Variants in CSF2RB observed in about 807,000 individuals in gnomAD.
CSF2RB encodes cytokine receptor common subunit beta.
Under a neutral mutation model 67.2 loss-of-function variants are expected in CSF2RB, and 22 were observed. That is an observed-to-expected ratio of 0.33 (90% CI 0.23 to 0.47). The LOEUF (loss-of-function observed/expected upper bound fraction) is 0.47, where lower values mean the gene tolerates loss of function less well. Ranked by LOEUF, CSF2RB falls within the 20% of genes least tolerant of loss-of-function variation. CSF2RB has a pLI of 1.00. For synonymous variants in CSF2RB, 507 were observed against 482.9 expected (o/e 1.05, Z -0.65); for missense variants, 1,113 against 1,174.5 (o/e 0.95, Z 0.76).
At chr22:36,917,135 C>A (rs1940737951) in intron 1 of CSF2RB, among the ~76,000 whole-genome samples, 1 of 152,120 alleles carries the variant, frequency 6.6e-6, no homozygotes, top group African/African-American at 2.4e-5. Context: ...CCAGAAATGT[C>A]TTGTTTATTA....
In CSF2RB at chr22:36,937,407, G is replaced by A. The variant is rs1237721336; in HGVS notation, c.1599G>A (p.Glu533=). ...TCCCTGTAGGATTCGGGGACAGCGA[G>A]GTGTCACCTCTCACCATAGAGGACC... ...GVFPVGFGDS[E]VSPLTIEDPK... The change falls in exon 14 of 14, where the codon GAG becomes GAA. Residue 533 remains glutamate (E), a synonymous_variant. Transcript: ENST00000403662. This position sits in a 1 kb window ranked among gnomAD's most constrained non-coding sequence, Gnocchi z 4.6. 1.2e-6 allele frequency: 2 copies of A among 1,613,788 alleles called. No homozygotes were observed. Among genetic ancestry groups the A allele is most frequent in the East Asian group, 2.2e-5 (1 of 44,882 alleles).
chr22:36,934,564 G>T (rs1941227791), intron 10 of CSF2RB, among the ~76,000 whole-genome samples: 1 of 152,214 alleles, frequency 6.6e-6, no homozygotes, highest in Admixed American at 6.5e-5. Flanking sequence ...TACCATGGAA[G>T]CAAGAAAATC....
In CSF2RB at chr22:36,929,567, C is replaced by A; in HGVS notation, c.549+8C>A. On this transcript the variant is annotated splice_region_variant and intron_variant, in intron 5 of 13. Transcript: ENST00000403662. ...CTTCAGGACTCTTGGGAGGTAGGAA[C>A]CACGGCCAGCTCTGCCCCAGCCCGA... 1 of 1,614,188 alleles carries A rather than the reference C, an allele frequency of 6.2e-7. No homozygotes were observed. The highest frequency in any genetic ancestry group is 8.5e-7 in the Non-Finnish European group (1 of 1,180,024).
intron 4 of CSF2RB, 115 bp from the exon 5 acceptor site, chr22:36,929,287 G>T (rs1003547219): frequency 7.1e-7 from 1 of 1,409,684 alleles, no homozygotes; most frequent in Admixed American, 1.7e-5. Context: ...AGGTCCCTCA[G>T]CTGCTGGGGG....
In CSF2RB at chr22:36,930,504, A is replaced by T. The variant is rs1196006557; in HGVS notation, c.848A>T (p.Asp283Val). Residue 283 changes from aspartate to valine, a missense_variant, in exon 7 of 14, where the codon GAT becomes GTT. Asp to Val is a radical substitution (Grantham distance 152). This residue lies in a region of CSF2RB where 559 missense variants were observed against 656.5 expected (regional missense o/e 0.85). Transcript: ENST00000403662. ...GGCCTATTCTACAAGCCCAGCCCAGATGCAGGGTGAGCATCTTTTTTCTCC... is the reference window on the plus strand; with the variant it reads ...GGCCTATTCTACAAGCCCAGCCCAGTTGCAGGGTGAGCATCTTTTTTCTCC... ...SFGLFYKPSP[D>V]AGEEECSPVL... The T allele has an allele frequency of 1.2e-6, 2 of 1,613,422 alleles. No homozygotes were observed. The highest frequency in any genetic ancestry group is 3.3e-5 in the Admixed American group (2 of 60,014).
intron 7 of CSF2RB, 45 bp downstream of exon 7, chr22:36,930,555 C>T (rs1941126448): frequency 6.2e-7 from 1 of 1,611,970 alleles, no homozygotes; most frequent in Non-Finnish European, 8.5e-7. Flanking sequence ...CTTGGCCTTG[C>T]TCTCTCCAAG....
At position 36,930,895 on chromosome 22, in the gene CSF2RB, G is replaced by A. The variant is rs868859666; in HGVS notation, c.1012+65G>A. 20 of 1,583,324 alleles carry A rather than the reference G, an allele frequency of 1.3e-5. No individual in the cohort carries two copies. In the Middle Eastern group the frequency reaches 1.2e-3, roughly 93 times the overall value. The stretch of plus-strand genomic sequence containing the variant: ...CCAGCACACCCTCATTGTGTAACCC[G>A]AATCAGTTCAGGGTTCCTCCTGGCC... On this transcript the variant is annotated intron_variant, in intron 8 of 13. Transcript: ENST00000403662.
intron 1 of CSF2RB, among the ~76,000 whole-genome samples, chr22:36,914,005 G>C (rs375077217): frequency 6.6e-6 from 1 of 152,052 alleles, no homozygotes; most frequent in African/African-American, 2.4e-5. Flanking sequence ...TCAGGCCTGG[G>C]AGTCAGGCAC....
intron 12 of CSF2RB, among the ~76,000 whole-genome samples, chr22:36,936,111 C>A (rs573188232): frequency 6.6e-6 from 1 of 152,248 alleles, no homozygotes; most frequent in East Asian, 1.9e-4. Context: ...GAGACAGAAA[C>A]CCTTCAGGAA....
In CSF2RB at chr22:36,929,714, G is replaced by A. The variant is rs764333642; in HGVS notation, c.625G>A (p.Val209Met). The A allele has an allele frequency of 1.3e-5, 21 of 1,614,066 alleles. No homozygotes were observed. In the South Asian group the frequency reaches 1.3e-4, roughly 10 times the overall value. Residue 209 changes from valine to methionine, a missense_variant, in exon 6 of 14, where the codon GTG becomes ATG. Coordinates refer to ENST00000403662, the MANE Select transcript of CSF2RB (RefSeq NM_000395.3). Reference sequence around the variant, plus strand: ...GCACCTCATGCCCAGCAGCACCTACGTGGCCCGAGTACGGACCCGCCTGGC... The same window carrying A: ...GCACCTCATGCCCAGCAGCACCTACATGGCCCGAGTACGGACCCGCCTGGC... ...PEHLMPSSTY[V>M]ARVRTRLAPG...
At chr22:36,921,552 G>T (rs532180363) in intron 1 of CSF2RB, among the ~76,000 whole-genome samples, 20 of 152,168 alleles carry the variant, frequency 1.3e-4, no homozygotes, top group African/African-American at 4.6e-4. Context: ...TGTCTGTTCT[G>T]CTCTCTTGGG....
Position 36,938,897 on chromosome 22 carries a change from T to G in CSF2RB, c.*395T>G, listed in dbSNP as rs1042193762. 1.7e-6 allele frequency: 1 copy of G among 581,816 alleles called. No homozygotes were observed. The highest frequency in any genetic ancestry group is 1.9e-5 in the African/African-American group (1 of 53,656). The allele number at this position is 581,816 out of a possible 1,614,324, so 36.0% of individuals were successfully genotyped here. A position where few individuals can be genotyped will look rare whatever the true frequency, so the allele number is the denominator to read the frequency against. On this transcript the variant is annotated 3_prime_UTR_variant, in exon 14 of 14. Transcript: ENST00000403662. ...GGGCTGAGGTCTGAGCTGAGCCTTA[T>G]CAGACTGAGATGCGGCTGGTTGTGT...
At chr22:36,923,950 C>T (rs1416288470) in intron 3 of CSF2RB, 5 of 393,386 alleles carry the variant, frequency 1.3e-5, no homozygotes, top group Non-Finnish European at 2.4e-5. Context: ...CCAAGCTCTC[C>T]TGGGCACGTG....
Position 36,922,172 on chromosome 22 carries a change from G to T in CSF2RB, c.-36G>T, listed in dbSNP as rs1601580128. ...TCATGCCCATGGCCAGCACCCACCA[G>T]TGCTGGTGCCTGCCTGTCCAGAGCT... On this transcript the variant is annotated 5_prime_UTR_variant, in exon 2 of 14. Coordinates refer to ENST00000403662, the MANE Select transcript of CSF2RB (RefSeq NM_000395.3). 4 of 1,550,122 alleles carry T rather than the reference G, an allele frequency of 2.6e-6. No individual in the cohort carries two copies. Among genetic ancestry groups the T allele is most frequent in the African/African-American group, 1.4e-5 (1 of 73,618 alleles).
intron 1 of CSF2RB, among the ~76,000 whole-genome samples, chr22:36,920,168 C>T (rs1022151505): frequency 6.6e-6 from 1 of 152,250 alleles, no homozygotes; most frequent in African/African-American, 2.4e-5. Flanking sequence ...ATGGAAAACA[C>T]TGCAATATTG....
chr22:36,937,281 C>G lies in CSF2RB; in HGVS notation c.1569-96C>G. On this transcript the variant is annotated intron_variant, in intron 13 of 13. Transcript: ENST00000403662. The surrounding 1 kb of genome is among the most constrained non-coding windows in gnomAD (Gnocchi z 4.6). ...TGAGATCTGGGGGACATCAGGGCTT[C>G]CAGAGAACCATCTCCACCCCACCAA... 1 of 1,477,592 alleles carries G rather than the reference C, an allele frequency of 6.8e-7. No homozygotes were observed. The highest frequency in any genetic ancestry group is 9.3e-7 in the Non-Finnish European group (1 of 1,073,758). 91.5% of individuals were successfully genotyped at this position (1,477,592 alleles called of 1,614,324 possible).
At chr22:36,914,733 C>T (rs1940680528) in intron 1 of CSF2RB, among the ~76,000 whole-genome samples, 1 of 152,174 alleles carries the variant, frequency 6.6e-6, no homozygotes, top group African/African-American at 2.4e-5. Context: ...ATCATCTTTC[C>T]TGCTTTGTAA....
At chr22:36,918,451 AT>A (rs146725820) in intron 1 of CSF2RB, among the ~76,000 whole-genome samples, 9,798 of 152,228 alleles carry the variant, frequency 0.064, 379 homozygotes, top group Non-Finnish European at 0.091. Context: ...GATCATCCTC[AT>A]ATTCTTGCAA....
At chr22:36,928,434 G>A (rs755969463) in intron 4 of CSF2RB, among the ~76,000 whole-genome samples, 4 of 152,148 alleles carry the variant, frequency 2.6e-5, no homozygotes, top group Admixed American at 6.5e-5. Flanking sequence ...GAGGAGGGGC[G>A]GTTCCCCTGC....
Sources: allele counts gnomAD v4.1 joint callset (sites outside exome capture counted in the v4.1 genomes callset), GRCh38; gene constraint gnomAD v4.1.1; regional missense constraint gnomAD v4.1.1; non-coding constraint Gnocchi (gnomAD v3.1); transcripts MANE v1.5; gene names NCBI Gene and HGNC (gene_info 2026-07-23, HGNC 2026-07-21).